The following IHO1 variants were observed in gnomAD, a reference collection of about 807,000 sequenced individuals.
The protein encoded by IHO1 is interactor of HORMAD1 protein 1.
A neutral mutation model predicts 31.0 loss-of-function variants in IHO1; 13 were observed. The ratio of observed to expected loss-of-function variants is 0.42; its 90% confidence interval spans 0.27 to 0.67. IHO1 has a LOEUF of 0.67. IHO1 is among the 30% of genes least tolerant of loss of function. The pLI, the probability that IHO1 is intolerant of heterozygous loss-of-function variation, is 0.24. For synonymous variants in IHO1, 221 were observed against 248.4 expected, an observed-to-expected ratio of 0.89 and a Z score of 1.04; for missense variants, 599 against 687.5, an observed-to-expected ratio of 0.87 and a Z score of 1.44.
chr3:49,228,746 G>T (rs944281204), intron 2 of IHO1, among the ~76,000 whole-genome samples: 5 of 152,164 alleles, frequency 3.3e-5, no homozygotes, highest in Non-Finnish European at 5.9e-5. Flanking sequence ...GATCTTTGTG[G>T]CGAGTGTCAC....
intron 2 of IHO1, among the ~76,000 whole-genome samples, chr3:49,214,632 A>ATAT (rs1553616616): frequency 1.9e-4 from 1 of 5,188 alleles, no homozygotes; most frequent in Admixed American, 5.7e-3. Context: ...ATATATATAT[A>ATAT]TTTTTTTTTT....
At chr3:49,194,478 T>A (rs934736535), upstream of IHO1, among the ~76,000 whole-genome samples, 10 of 146,582 alleles carry the variant, frequency 6.8e-5, no homozygotes, top group African/African-American at 2.5e-4. Flanking sequence ...TAATTTTTTT[T>A]ATTTTTAGTA....
In IHO1 at chr3:49,238,280, AGTTTTGTTTT is replaced by A. The variant is rs370628737; in HGVS notation, c.231+1579_231+1588del. ...TTTGGAGGCACCTATAACTAAATGT[AGTTTTGTTTT>A]GTTTTGTTTTGTTTTGTTTTTGAGA... On this transcript the variant is annotated intron_variant, in intron 3 of 7. Coordinates refer to ENST00000452691, the MANE Select transcript of IHO1 (RefSeq NM_001135197.2). 8.7e-3 allele frequency among the ~76,000 whole-genome samples: 1,329 copies of A among 151,958 alleles called. 6 individuals are homozygous for A. Among genetic ancestry groups the A allele is most frequent in the Middle Eastern group, 0.027 (8 of 294 alleles).
intron 1 of IHO1, among the ~76,000 whole-genome samples, chr3:49,207,637 T>A (rs954437146): frequency 1.3e-5 from 2 of 152,204 alleles, no homozygotes; most frequent in Non-Finnish European, 2.9e-5. Context: ...CATACCTTAG[T>A]CTGCCATTAT....
chr3:49,230,164 GTACT>G (rs1182913181), intron 2 of IHO1, among the ~76,000 whole-genome samples: 1 of 152,152 alleles, frequency 6.6e-6, no homozygotes, highest in Non-Finnish European at 1.5e-5. Flanking sequence ...AGGCTTTAGA[GTACT>G]TACTTACTGA....
intron 6 of IHO1, among the ~76,000 whole-genome samples, chr3:49,254,571 C>T (rs948219368): frequency 4.2e-5 from 6 of 142,744 alleles, no homozygotes; most frequent in Admixed American, 7.2e-5. Flanking sequence ...TGATTGGTTG[C>T]GGGGGGCGGG....
At chr3:49,247,850 C>T (rs559556126) in intron 6 of IHO1, among the ~76,000 whole-genome samples, 60 of 150,482 alleles carry the variant, frequency 4.0e-4, no homozygotes, top group Middle Eastern at 3.5e-3. Flanking sequence ...CAAGGGTGGG[C>T]GTGGTGGTTC....
Position 49,256,643 on chromosome 3 carries a change from C to G in IHO1, c.1146C>G (p.Asp382Glu), listed in dbSNP as rs1216298878. 6.2e-7 allele frequency: 1 copy of G among 1,614,240 alleles called. No individual in the cohort carries two copies. The highest frequency in any genetic ancestry group is 8.5e-7 in the Non-Finnish European group (1 of 1,180,054). ...SSVPGHKIPSDRDLVSQGASQ... is the reference protein window; with the variant it reads ...SSVPGHKIPSERDLVSQGASQ... ...TCCCAGGCCATAAGATTCCCAGTGA[C>G]AGGGACCTGGTTTCCCAAGGAGCCT... The change falls in exon 8 of 8, where the codon GAC becomes GAG. Residue 382 changes from aspartate to glutamate, a missense_variant. Coordinates refer to ENST00000452691, the MANE Select transcript of IHO1 (RefSeq NM_001135197.2). This position sits in a 1 kb window ranked among gnomAD's most constrained non-coding sequence, Gnocchi z 4.6.
At chr3:49,211,738 CT>C in intron 1 of IHO1, 27 bp from the exon 2 acceptor site, 2 of 1,095,342 alleles carry the variant, frequency 1.8e-6, no homozygotes, top group Non-Finnish European at 2.8e-6. Flanking sequence ...TGTTAACTTT[CT>C]TAATATTCAC....
intron 1 of IHO1, among the ~76,000 whole-genome samples, chr3:49,203,200 G>A (rs1417668316): frequency 6.6e-6 from 1 of 152,112 alleles, no homozygotes; most frequent in Non-Finnish European, 1.5e-5. Context: ...TAATTTGAAG[G>A]AGATAGAGTT....
At chr3:49,236,810 A>G in intron 3 of IHO1, 88 bp downstream of exon 3, 1 of 1,263,196 alleles carries the variant, frequency 7.9e-7, no homozygotes, top group Non-Finnish European at 1.1e-6. Flanking sequence ...GGCCAGGTGC[A>G]ATGGCTGACA....
chr3:49,199,473 T>TG, upstream of IHO1: 1 of 151,776 alleles, frequency 6.6e-6, no homozygotes, highest in Non-Finnish European at 1.5e-5. Context: ...GAAGAGGACC[T>TG]GGGGGCGGGG....
chr3:49,202,681 T>C (rs1559435575), intron 1 of IHO1, among the ~76,000 whole-genome samples: 1 of 151,436 alleles, frequency 6.6e-6, no homozygotes, highest in Non-Finnish European at 1.5e-5. Context: ...CAGCCAATTA[T>C]TTTTATTTTT....
At chr3:49,236,851 G>T in intron 3 of IHO1, 129 bp downstream of exon 3, 1 of 803,322 alleles carries the variant, frequency 1.2e-6, no homozygotes, top group Non-Finnish European at 1.9e-6. Context: ...GGAGGCTGAG[G>T]CAAGTGGATC....
intron 2 of IHO1, among the ~76,000 whole-genome samples, chr3:49,227,071 C>A (rs1050980100): frequency 4.6e-5 from 7 of 152,136 alleles, no homozygotes; most frequent in African/African-American, 1.7e-4. Context: ...AGAGGCCCTC[C>A]TGTGGGATGT....
intron 4 of IHO1, among the ~76,000 whole-genome samples, chr3:49,242,152 A>G (rs559726786): frequency 1.8e-4 from 28 of 152,262 alleles, no homozygotes; most frequent in Admixed American, 7.9e-4. Flanking sequence ...CATGTTGGCC[A>G]GGCTGGTCAC....
At chr3:49,213,346 A>G (rs1459455561) in intron 2 of IHO1, among the ~76,000 whole-genome samples, 3 of 152,216 alleles carry the variant, frequency 2.0e-5, no homozygotes, top group Admixed American at 2.0e-4. Context: ...TAGCTGATAC[A>G]GAGTGCTGAT....
intron 1 of IHO1, among the ~76,000 whole-genome samples, chr3:49,204,491 A>AT (rs1440942260): frequency 2.6e-5 from 4 of 152,124 alleles, no homozygotes; most frequent in South Asian, 2.1e-4. Context: ...ATGTGAAGGG[A>AT]TCCCCCCAAA....
chr3:49,247,332 C>T (rs1049124859), intron 6 of IHO1, among the ~76,000 whole-genome samples: 6 of 151,902 alleles, frequency 3.9e-5, no homozygotes, highest in Admixed American at 3.9e-4. Flanking sequence ...CGGGTTCAAG[C>T]CAGTCTCCTG....
Sources: gnomAD v4.1 joint callset for allele counts (sites outside exome capture counted in the v4.1 genomes callset) on GRCh38, gnomAD v4.1.1 for gene constraint, Gnocchi (gnomAD v3.1) non-coding constraint, MANE v1.5 for transcripts, NCBI Gene and HGNC (gene_info 2026-07-23, HGNC 2026-07-21) for gene names.